The following SEMA6D variants were observed in gnomAD, a reference collection of about 807,000 sequenced individuals.
The protein encoded by SEMA6D is semaphorin 6D.
A neutral mutation model predicts 106.6 loss-of-function variants in SEMA6D; 35 were observed. The observed-to-expected ratio is 0.33, with a 90% CI of 0.25 to 0.44. The LOEUF is 0.44. SEMA6D is among the 20% of genes least tolerant of loss of function. The pLI is 1.00. For synonymous variants in SEMA6D, 499 were observed against 487.7 expected, an observed-to-expected ratio of 1.02 and a Z score of -0.31; for missense variants, 1,185 against 1,345.9, an observed-to-expected ratio of 0.88 and a Z score of 1.87.
chr15:47,218,018 A>T (rs2030829283), intron 1 of SEMA6D, among the ~76,000 whole-genome samples: 1 of 151,924 alleles, frequency 6.6e-6, no homozygotes, highest in Non-Finnish European at 1.5e-5. Context: ...GCACTTCTTG[A>T]TTGGGTCACT....
chr15:47,409,393 A>G (rs959247727), intron 1 of SEMA6D, among the ~76,000 whole-genome samples: 10 of 152,200 alleles, frequency 6.6e-5, no homozygotes, highest in Admixed American at 2.0e-4. Flanking sequence ...GTGTATTAGA[A>G]TGAAGAGTGA....
intron 1 of SEMA6D, among the ~76,000 whole-genome samples, chr15:47,365,760 C>T (rs1404203436): frequency 6.6e-6 from 1 of 151,874 alleles, no homozygotes; most frequent in East Asian, 1.9e-4. Context: ...ATTCGGGAGG[C>T]TGAGGTAGGA....
intron 3 of SEMA6D, among the ~76,000 whole-genome samples, chr15:47,497,308 GA>G (rs2043700150): frequency 6.6e-6 from 1 of 151,790 alleles, no homozygotes. Context: ...AAACAAAAAG[GA>G]AAAACAACAA....
At chr15:47,593,863 C>T (rs1006143405) in intron 3 of SEMA6D, among the ~76,000 whole-genome samples, 4 of 152,070 alleles carry the variant, frequency 2.6e-5, no homozygotes, top group African/African-American at 9.7e-5. Flanking sequence ...ACAACCAGAT[C>T]GCATGAGAAC....
intron 1 of SEMA6D, among the ~76,000 whole-genome samples, chr15:47,194,337 G>A (rs1384194471): frequency 6.6e-6 from 1 of 152,016 alleles, no homozygotes; most frequent in African/African-American, 2.4e-5. Flanking sequence ...TCAAAACACC[G>A]GTGCATTTTG....
At chr15:47,313,739 C>T (rs2036534055) in intron 1 of SEMA6D, among the ~76,000 whole-genome samples, 1 of 152,130 alleles carries the variant, frequency 6.6e-6, no homozygotes, top group Non-Finnish European at 1.5e-5. Flanking sequence ...TAAAAACTAG[C>T]TGAGTATAGT....
intron 2 of SEMA6D, among the ~76,000 whole-genome samples, chr15:47,422,115 A>C (rs914357100): frequency 7.3e-5 from 11 of 151,470 alleles, no homozygotes; most frequent in African/African-American, 2.7e-4. Flanking sequence ...TTAGAGGATG[A>C]AAACCAAAGG....
intron 3 of SEMA6D, among the ~76,000 whole-genome samples, chr15:47,522,426 A>G (rs748431278): frequency 3.3e-5 from 5 of 152,196 alleles, no homozygotes; most frequent in Non-Finnish European, 7.3e-5. Context: ...CTATCAGTCT[A>G]TAAACTCCAT....
chr15:47,408,150 G>A (rs897689085), intron 1 of SEMA6D, among the ~76,000 whole-genome samples: 1 of 152,056 alleles, frequency 6.6e-6, no homozygotes, highest in Non-Finnish European at 1.5e-5. Flanking sequence ...GAGGTGGTGG[G>A]TAAGACAACT....
At chr15:47,405,315 G>C (rs1002830920) in intron 1 of SEMA6D, among the ~76,000 whole-genome samples, 1 of 152,212 alleles carries the variant, frequency 6.6e-6, no homozygotes, top group African/African-American at 2.4e-5. Flanking sequence ...GAAGGATTTG[G>C]TTGGAGACAG....
At chr15:47,614,889 G>C (rs1425062377) in intron 4 of SEMA6D, among the ~76,000 whole-genome samples, 1 of 152,146 alleles carries the variant, frequency 6.6e-6, no homozygotes, top group Admixed American at 6.6e-5. Flanking sequence ...CATCCTACAG[G>C]TTTAATCTGG....
rs1161647342 is a variant in SEMA6D at position 47,552,867 on chromosome 15, T to TA, written c.-86-47998_-86-47997insA. On this transcript the variant is annotated intron_variant, in intron 3 of 19. Transcript: ENST00000558014. ...AAATATATATAAATATATATATATTTTTATATATATATAAATATATATAAA... is the reference window on the plus strand; with the variant it reads ...AAATATATATAAATATATATATATTTATTATATATATATAAATATATATAAA... 2.2e-3 allele frequency among the ~76,000 whole-genome samples: 137 copies of TA among 61,646 alleles called. 2 individuals are homozygous for TA. Among genetic ancestry groups the TA allele is most frequent in the African/African-American group, 0.015 (134 of 8,716 alleles). The allele number at this position is 61,646 out of a possible 152,430, so 40.4% of individuals were successfully genotyped here.
At chr15:47,679,207 A>C (rs2078301388) in intron 4 of SEMA6D, among the ~76,000 whole-genome samples, 1 of 152,218 alleles carries the variant, frequency 6.6e-6, no homozygotes, top group Non-Finnish European at 1.5e-5. Context: ...TGAGATTAAA[A>C]CATTGGATTG....
Position 47,419,369 on chromosome 15 carries a change from A to T in SEMA6D, c.-159+6897A>T, listed in dbSNP as rs1286524043. The stretch of plus-strand genomic sequence containing the variant: ...GATATTGGAAGGATCATGCCATTGG[A>T]TATGAAAATGGCCAAAAATTAAATA... On this transcript the variant is annotated intron_variant, in intron 2 of 19. Transcript: ENST00000558014. Among the ~76,000 whole-genome samples, 3 of 152,220 alleles carry T rather than the reference A, an allele frequency of 2.0e-5. 1 individual carries two copies. The highest frequency in any genetic ancestry group is 1.9e-4 in the East Asian group (1 of 5,176).
intron 3 of SEMA6D, among the ~76,000 whole-genome samples, chr15:47,471,904 T>TTC (rs375802887): frequency 0.099 from 12,215 of 122,824 alleles, 730 homozygotes; most frequent in South Asian, 0.16. Context: ...GCTGTGCTCT[T>TTC]TCTCTCTCTC....
At chr15:47,231,136 G>T (rs778168820) in intron 1 of SEMA6D, among the ~76,000 whole-genome samples, 1 of 151,512 alleles carries the variant, frequency 6.6e-6, no homozygotes, top group African/African-American at 2.4e-5. Flanking sequence ...TTCCTCCTCT[G>T]CTTTCCTCTT....
intron 1 of SEMA6D, among the ~76,000 whole-genome samples, chr15:47,227,791 G>A (rs1347981606): frequency 6.7e-6 from 1 of 149,182 alleles, no homozygotes; most frequent in African/African-American, 2.5e-5. Context: ...GATATATGAC[G>A]TTGTGTGAAT....
rs374271506 is a variant in SEMA6D at position 47,552,891 on chromosome 15, A to AATAT, written c.-86-47962_-86-47959dup. ...TTTTATATATATATAAATATATATA[A>AATAT]ATATATATATATATAAATATATATA... is the stretch of plus-strand genomic sequence containing the variant. On this transcript the variant is annotated intron_variant, in intron 3 of 19. Transcript: ENST00000558014. Among the ~76,000 whole-genome samples, 27 of 35,292 alleles carry AATAT rather than the reference A, an allele frequency of 7.7e-4. 1 individual carries two copies. The highest frequency in any genetic ancestry group is 2.7e-3 in the African/African-American group (23 of 8,488). 23.2% of individuals were successfully genotyped at this position (35,292 alleles called of 152,430 possible).
intron 3 of SEMA6D, among the ~76,000 whole-genome samples, chr15:47,502,197 C>T (rs546888789): frequency 2.3e-4 from 35 of 152,264 alleles, no homozygotes; most frequent in South Asian, 1.0e-3. Flanking sequence ...TAATCATATT[C>T]GGCTCTGTTC....
Sources: gnomAD v4.1 joint callset for allele counts (sites outside exome capture counted in the v4.1 genomes callset) on GRCh38, gnomAD v4.1.1 for gene constraint, MANE v1.5 for transcripts, NCBI Gene and HGNC (gene_info 2026-07-23, HGNC 2026-07-21) for gene names.